Variants in MAPKAP1 observed in about 807,000 individuals in gnomAD.
MAPKAP1 encodes target of rapamycin complex 2 subunit MAPKAP1.
Under a neutral mutation model 65.7 loss-of-function variants are expected in MAPKAP1, and 20 were observed. That is an observed-to-expected ratio of 0.30 (90% CI 0.21 to 0.44). The LOEUF (loss-of-function observed/expected upper bound fraction) is 0.44, where lower values mean the gene tolerates loss of function less well. MAPKAP1 is among the 20% of genes least tolerant of loss of function. MAPKAP1 has a pLI of 1.00. For synonymous variants in MAPKAP1, 222 were observed against 244.3 expected, an observed-to-expected ratio of 0.91 and a Z score of 0.85; for missense variants, 423 against 648.0, an observed-to-expected ratio of 0.65 and a Z score of 3.77.
chr9:125,482,758 T>C (rs1419038188), intron 9 of MAPKAP1, among the ~76,000 whole-genome samples: 2 of 152,162 alleles, frequency 1.3e-5, no homozygotes, highest in Admixed American at 6.5e-5. Context: ...TGGATGACAT[T>C]AGGTGAGGAC....
intron 1 of MAPKAP1, among the ~76,000 whole-genome samples, chr9:125,692,755 A>G (rs1835207577): frequency 6.6e-6 from 1 of 152,232 alleles, no homozygotes; most frequent in Admixed American, 6.5e-5. Context: ...CAAAACAAGG[A>G]TACCAACAAA....
In MAPKAP1 at chr9:125,501,382, T is replaced by C. The variant is rs549858582; in HGVS notation, c.1066+4928A>G. On this transcript the variant is annotated intron_variant, in intron 8 of 11. Coordinates refer to ENST00000265960, the MANE Select transcript of MAPKAP1 (RefSeq NM_001006617.3). Reference sequence around the variant, plus strand: ...GAATAAACCCAACTTCGTAATGTTATATTGTTCTTTCAACATAATGTTAGA... The same window carrying C: ...GAATAAACCCAACTTCGTAATGTTACATTGTTCTTTCAACATAATGTTAGA... 2.0e-5 allele frequency among the ~76,000 whole-genome samples: 3 copies of C among 152,380 alleles called. No individual in the cohort carries two copies. The South Asian group carries it at 6.2e-4, about 32-fold the overall frequency.
chr9:125,641,547 T>C (rs1833577886), intron 4 of MAPKAP1, among the ~76,000 whole-genome samples: 2 of 152,190 alleles, frequency 1.3e-5, no homozygotes, highest in Admixed American at 1.3e-4. Context: ...TCTGTTTCAT[T>C]ATTATTGTGA....
At chr9:125,687,494 G>A (rs975451483) in intron 1 of MAPKAP1, among the ~76,000 whole-genome samples, 2 of 152,040 alleles carry the variant, frequency 1.3e-5, no homozygotes, top group Non-Finnish European at 2.9e-5. Context: ...ACAAAATAGA[G>A]GCTGGGCACA....
intron 8 of MAPKAP1, 72 bp downstream of exon 8, chr9:125,506,238 G>A (rs140182359): frequency 1.9e-5 from 25 of 1,326,932 alleles, no homozygotes; most frequent in South Asian, 3.5e-5. Flanking sequence ...ACCAGTGAGC[G>A]TTTCCAAACA....
Position 125,674,129 on chromosome 9 carries a change from T to C in MAPKAP1, c.-69-1486A>G, listed in dbSNP as rs147674972. On this transcript the variant is annotated intron_variant, in intron 1 of 11. Transcript: ENST00000265960. ...GCCCTATTACTCGTTAGCTATAAGA[T>C]CTCAGTCAAAATACTTTACCTTTTT... Among the ~76,000 whole-genome samples the C allele has an allele frequency of 8.6e-3, 1,313 of 151,808 alleles. 10 individuals are homozygous for C. Among genetic ancestry groups the C allele is most frequent in the Non-Finnish European group, 0.015 (1,005 of 67,946 alleles).
chr9:125,593,647 G>A (rs183061363), intron 4 of MAPKAP1, among the ~76,000 whole-genome samples: 36 of 150,784 alleles, frequency 2.4e-4, no homozygotes, highest in South Asian at 1.1e-3. Context: ...GGGACAGAGC[G>A]AGACTCTGTC....
At chr9:125,664,843 G>A (rs1834294744) in intron 3 of MAPKAP1, among the ~76,000 whole-genome samples, 1 of 152,052 alleles carries the variant, frequency 6.6e-6, no homozygotes, top group Non-Finnish European at 1.5e-5. Flanking sequence ...GAGCAGAGCA[G>A]AGTAGAAAGA....
At chr9:125,471,499 G>C (rs756791540) in intron 9 of MAPKAP1, 1 of 152,588 alleles carries the variant, frequency 6.6e-6, no homozygotes, top group Admixed American at 6.5e-5. Flanking sequence ...GAGGGAGAAG[G>C]GAGTCAGAGA....
intron 1 of MAPKAP1, among the ~76,000 whole-genome samples, chr9:125,705,719 T>C (rs1439309675): frequency 1.3e-5 from 2 of 152,046 alleles, no homozygotes; most frequent in Non-Finnish European, 2.9e-5. Flanking sequence ...CCAGGTGGGG[T>C]TGTCCTGAAT....
intron 7 of MAPKAP1, among the ~76,000 whole-genome samples, chr9:125,520,033 T>C (rs1163050391): frequency 6.6e-6 from 1 of 152,178 alleles, no homozygotes. Context: ...GACAGTATGA[T>C]GTAACGCTTA....
At chr9:125,604,341 A>G (rs1277128123) in intron 4 of MAPKAP1, among the ~76,000 whole-genome samples, 1 of 152,232 alleles carries the variant, frequency 6.6e-6, no homozygotes, top group Non-Finnish European at 1.5e-5. Flanking sequence ...TTTTTCAATT[A>G]AAGGTCCAGA....
chr9:125,652,189 A>T, intron 4 of MAPKAP1: 1 of 1,322,868 alleles, frequency 7.6e-7, no homozygotes, highest in South Asian at 1.2e-5. Flanking sequence ...TTCTTTGAAG[A>T]GAGCTATTTA....
chr9:125,447,249 G>A lies in MAPKAP1; in HGVS notation c.1346-2651C>T, dbSNP rs551084426. The A allele has an allele frequency of 1.4e-4, 55 of 382,658 alleles. No individual in the cohort carries two copies. The highest frequency in any genetic ancestry group is 4.4e-4 in the South Asian group (23 of 52,190). The allele number at this position is 382,658 out of a possible 1,614,324, so 23.7% of individuals were successfully genotyped here. A position where few individuals can be genotyped will look rare whatever the true frequency, so the allele number is the denominator to read the frequency against. On this transcript the variant is annotated intron_variant, in intron 10 of 11. Coordinates refer to ENST00000265960, the MANE Select transcript of MAPKAP1 (RefSeq NM_001006617.3). The surrounding 1 kb of genome is among the most constrained non-coding windows in gnomAD (Gnocchi z 4.5). ...TGAGGAAGAGTGAAGCAGGTGAGGAGGAGGAAGAGTCCCAACATTCCCCCA... is the reference window on the plus strand; with the variant it reads ...TGAGGAAGAGTGAAGCAGGTGAGGAAGAGGAAGAGTCCCAACATTCCCCCA...
At chr9:125,470,341 A>G (rs1589218658) in intron 9 of MAPKAP1, among the ~76,000 whole-genome samples, 1 of 152,208 alleles carries the variant, frequency 6.6e-6, no homozygotes, top group South Asian at 2.1e-4. Context: ...CTGGGCTCCC[A>G]TGTATATTAG....
At chr9:125,645,734 C>T (rs1833707009) in intron 4 of MAPKAP1, among the ~76,000 whole-genome samples, 1 of 127,828 alleles carries the variant, frequency 7.8e-6, no homozygotes. Flanking sequence ...AAGACTCTGT[C>T]TCAAAAAAAA....
intron 8 of MAPKAP1, among the ~76,000 whole-genome samples, chr9:125,485,793 G>C (rs920752947): frequency 1.8e-4 from 28 of 152,132 alleles, no homozygotes; most frequent in African/African-American, 6.0e-4. Context: ...CGACAGCTGC[G>C]GCCGCAACTC....
chr9:125,513,778 C>T (rs1829378314), intron 7 of MAPKAP1, among the ~76,000 whole-genome samples: 1 of 152,160 alleles, frequency 6.6e-6, no homozygotes, highest in Non-Finnish European at 1.5e-5. Context: ...AGGGAGGGCA[C>T]ACCGGGGCAG....
intron 4 of MAPKAP1, among the ~76,000 whole-genome samples, chr9:125,600,382 G>T (rs1832267830): frequency 6.6e-6 from 1 of 152,168 alleles, no homozygotes; most frequent in African/African-American, 2.4e-5. Flanking sequence ...CTCTGGCCCT[G>T]CCAGCCTTGA....
Sources: allele counts gnomAD v4.1 joint callset (sites outside exome capture counted in the v4.1 genomes callset), GRCh38; gene constraint gnomAD v4.1.1; non-coding constraint Gnocchi (gnomAD v3.1); transcripts MANE v1.5; gene names NCBI Gene and HGNC (gene_info 2026-07-23, HGNC 2026-07-21).